Variants in P3H1 observed in about 807,000 individuals in gnomAD.
P3H1 encodes growth suppressor 1.
A neutral mutation model predicts 84.0 loss-of-function variants in P3H1; 69 were observed. The ratio of observed to expected loss-of-function variants is 0.82; its 90% CI spans 0.68 to 1.00. The LOEUF (loss-of-function observed/expected upper bound fraction) is 1.00. Ranked by LOEUF, P3H1 falls within the 50% of genes least tolerant of loss-of-function variation. P3H1 has a pLI of 0.00. For synonymous variants in P3H1, 366 were observed against 388.8 expected (o/e 0.94, Z 0.69); for missense variants, 878 against 962.8 (o/e 0.91, Z 1.17).
At chr1:42,763,325 T>C (rs1040886431) in intron 1 of P3H1, among the ~76,000 whole-genome samples, 1 of 151,990 alleles carries the variant, frequency 6.6e-6, no homozygotes, top group Non-Finnish European at 1.5e-5. Context: ...AGACATAGTA[T>C]TTTCTGACTC....
chr1:42,748,419 G>A (rs1234202841), intron 11 of P3H1, 102 bp from the exon 12 acceptor site: 13 of 891,372 alleles, frequency 1.5e-5, no homozygotes, highest in East Asian at 7.2e-5. Flanking sequence ...TTGAGTCTAC[G>A]GAATGCCCAA....
chr1:42,748,916 G>A (rs1261832746), intron 11 of P3H1, among the ~76,000 whole-genome samples: 3 of 152,320 alleles, frequency 2.0e-5, no homozygotes, highest in South Asian at 2.1e-4. Context: ...CCGTCACGTC[G>A]TGGTGGGTGC....
At chr1:42,760,309 C>A (rs1440088876) in intron 2 of P3H1, 1 of 151,642 alleles carries the variant, frequency 6.6e-6, no homozygotes, top group African/African-American at 2.4e-5. Context: ...TTTTGTAGGG[C>A]TAACAGTTTT....
chr1:42,746,726 T>C lies in P3H1; in HGVS notation c.2182A>G (p.Ser728Gly). 2 of 1,552,064 alleles carry C rather than the reference T, an allele frequency of 1.3e-6. 1 individual carries two copies. The highest frequency in any genetic ancestry group is 1.7e-6 in the Non-Finnish European group (2 of 1,147,148). Reference protein sequence around the residue: ...PEPAQESLSGSESKPKDEL With the variant: ...PEPAQESLSGGESKPKDEL ...AGCTCATCCTTGGGCTTCGATTCAC[T>C]GCCTGAGAGAGACTCTTGTGCAGGT... The change falls in exon 15 of 15, where the codon AGT becomes GGT. Residue 728 changes from serine to glycine, a missense_variant. Physicochemically the swap from Ser to Gly is moderately conservative, Grantham distance 56 (BLOSUM62 0). Coordinates refer to ENST00000296388, the MANE Select transcript of P3H1 (RefSeq NM_022356.4).
chr1:42,755,137 A>G, intron 7 of P3H1, 28 bp downstream of exon 7: 1 of 1,613,356 alleles, frequency 6.2e-7, no homozygotes. Context: ...AGACTGATCC[A>G]ACCATGCAGT....
intron 12 of P3H1, 23 bp downstream of exon 12, chr1:42,748,177 C>T: frequency 1.3e-6 from 2 of 1,576,722 alleles, no homozygotes; most frequent in African/African-American, 1.3e-5. Context: ...GACCTCCTCA[C>T]CCTGCACCTG....
Position 42,754,526 on chromosome 1 carries a change from CT to C in P3H1, c.1345+342del, listed in dbSNP as rs376910857. ...TGTGACACAGAAGTCTCATTTCTTTCTTTTTTTTTAAAGATGAGGTCTTGCT... is the reference window on the plus strand; with the variant it reads ...TGTGACACAGAAGTCTCATTTCTTTCTTTTTTTTAAAGATGAGGTCTTGCT... On this transcript the variant is annotated intron_variant, in intron 8 of 14. Transcript: ENST00000296388. This position sits in a 1 kb window ranked among gnomAD's most constrained non-coding sequence, Gnocchi z 4.0. Among the ~76,000 whole-genome samples the C allele has an allele frequency of 1.3e-5, 2 of 151,426 alleles. No individual in the cohort carries two copies. The highest frequency in any genetic ancestry group is 2.9e-5 in the Non-Finnish European group (2 of 67,810).
chr1:42,763,399 C>T (rs188373759), intron 1 of P3H1, among the ~76,000 whole-genome samples: 237 of 151,810 alleles, frequency 1.6e-3, no homozygotes, highest in African/African-American at 5.5e-3. Flanking sequence ...TGGTCGGGGG[C>T]GGTAGCTCAT....
intron 5 of P3H1, among the ~76,000 whole-genome samples, chr1:42,756,201 TTTTC>T (rs1652395512): frequency 6.6e-6 from 1 of 152,064 alleles, no homozygotes; most frequent in South Asian, 2.1e-4. Context: ...TCTGTTATCT[TTTTC>T]TTTTTTTTCA....
chr1:42,747,503 G>T, intron 13 of P3H1, 91 bp from the exon 14 acceptor site: 1 of 1,325,024 alleles, frequency 7.5e-7, no homozygotes, highest in Non-Finnish European at 1.1e-6. Flanking sequence ...GCTCACGACC[G>T]AGGGCAGCTC....
chr1:42,752,496 T>TG, intron 9 of P3H1, 41 bp downstream of exon 9: 1 of 1,613,832 alleles, frequency 6.2e-7, no homozygotes, highest in East Asian at 2.2e-5. Context: ...GGGGGGATGC[T>TG]GGACCCTTGG....
Position 42,766,897 on chromosome 1 carries a change from C to G in P3H1, c.75G>C (p.Glu25Asp), listed in dbSNP as rs1653040714. 6.2e-7 allele frequency: 1 copy of G among 1,609,136 alleles called. No individual in the cohort carries two copies. The highest frequency in any genetic ancestry group is 8.5e-7 in the Non-Finnish European group (1 of 1,179,824). The part of the protein sequence containing the change: ...VVAAASQAEV[E>D]SEAGWGMVTP... ...TCACCATGCCCCATCCTGCCTCGGA[C>G]TCGACCTCGGCTTGGGAGGCAGCGG... The change falls in exon 1 of 15, where the codon GAG (glutamate) becomes GAC (aspartate). Residue 25 changes from glutamate to aspartate, a missense_variant. Transcript: ENST00000296388.
Position 42,746,495 on chromosome 1 carries a change from C to T in P3H1, c.*202G>A. 1.6e-6 allele frequency: 1 copy of T among 606,670 alleles called. No homozygotes were observed. The highest frequency in any genetic ancestry group is 2.0e-5 in the South Asian group (1 of 50,144). 37.6% of individuals were successfully genotyped at this position (606,670 alleles called of 1,614,324 possible). On this transcript the variant is annotated 3_prime_UTR_variant, in exon 15 of 15. Transcript: ENST00000296388. ...TGGCTGGGCCTGTGTCCTGAGCCCT[C>T]AGCCAGATCCAGGGGGTGCGGTGTC...
intron 1 of P3H1, among the ~76,000 whole-genome samples, chr1:42,765,365 C>T (rs1652934041): frequency 6.6e-6 from 1 of 152,194 alleles, no homozygotes; most frequent in Admixed American, 6.5e-5. Flanking sequence ...GCTCCCGCAG[C>T]CCTAAGTATA....
At position 42,754,348 on chromosome 1, in the gene P3H1, G is replaced by A. The variant is rs907760382; in HGVS notation, c.1345+521C>T. On this transcript the variant is annotated intron_variant, in intron 8 of 14. Coordinates refer to ENST00000296388, the MANE Select transcript of P3H1 (RefSeq NM_022356.4). This position sits in a 1 kb window ranked among gnomAD's most constrained non-coding sequence, Gnocchi z 4.0. ...GCCTTCCCAGCAGCTTGCAGAAAAC[G>A]GGCACAGGAGGAAGAGGAGCCAAAG... Among the ~76,000 whole-genome samples, 1 of 152,144 alleles carries A rather than the reference G, an allele frequency of 6.6e-6. No homozygotes were observed. The highest frequency in any genetic ancestry group is 6.5e-5 in the Admixed American group (1 of 15,274).
intron 4 of P3H1, 22 bp downstream of exon 4, chr1:42,758,830 G>C (rs764869195): frequency 1.2e-6 from 2 of 1,613,938 alleles, no homozygotes; most frequent in South Asian, 1.1e-5. Context: ...AGCAGAGAAA[G>C]AGGAAGGAAA....
intron 1 of P3H1, among the ~76,000 whole-genome samples, chr1:42,764,761 TGACCCAAG>T: frequency 1.3e-5 from 2 of 152,314 alleles, no homozygotes; most frequent in East Asian, 3.9e-4. Flanking sequence ...CCTGGTTAGG[TGACCCAAG>T]GTAAATAACT....
intron 2 of P3H1, chr1:42,759,960 CA>C (rs1196670015): frequency 6.6e-6 from 1 of 151,398 alleles, no homozygotes; most frequent in Non-Finnish European, 1.4e-5. Flanking sequence ...CTTCCCCCCC[CA>C]TTAGTGACAG....
chr1:42,766,777 C>T lies in P3H1; in HGVS notation c.195G>A (p.Arg65=), dbSNP rs1189863892. The change falls in exon 1 of 15, where the codon CGG becomes CGA. Residue 65 remains arginine (R), a synonymous_variant. Transcript: ENST00000296388. ...VLSMERALRS[R]AALRALRLRC... ...GCAGGCGAAGGGCGCGGAGGGCTGC[C>T]CGGGAGCGCAGCGCCCGTTCCATGC... is the stretch of plus-strand genomic sequence containing the variant. 6.3e-7 allele frequency: 1 copy of T among 1,598,444 alleles called. No homozygotes were observed. Among genetic ancestry groups the T allele is most frequent in the Admixed American group, 1.7e-5 (1 of 59,232 alleles).
Sources: allele counts gnomAD v4.1 joint callset (sites outside exome capture counted in the v4.1 genomes callset), GRCh38; gene constraint gnomAD v4.1.1; non-coding constraint Gnocchi (gnomAD v3.1); transcripts MANE v1.5; gene names NCBI Gene and HGNC (gene_info 2026-07-23, HGNC 2026-07-21).